The following CCDC90B variants were observed in gnomAD, a reference collection of about 807,000 sequenced individuals.
CCDC90B encodes the protein coiled-coil domain-containing protein 90B, mitochondrial.
Under a neutral mutation model 37.0 loss-of-function variants are expected in CCDC90B, and 24 were observed. The ratio of observed to expected loss-of-function variants is 0.65; its 90% CI spans 0.47 to 0.91. The LOEUF is 0.91. Ranked by LOEUF, CCDC90B falls within the 40% of genes least tolerant of loss-of-function variation. The pLI is 0.00. For missense variants in CCDC90B, 319 were observed against 299.0 expected, an observed-to-expected ratio of 1.07 and a Z score of -0.49; for synonymous variants, 113 against 101.1, an observed-to-expected ratio of 1.12 and a Z score of -0.71.
intron 7 of CCDC90B, among the ~76,000 whole-genome samples, chr11:83,266,644 A>G (rs1864293597): frequency 6.6e-6 from 1 of 152,156 alleles, no homozygotes; most frequent in Admixed American, 6.5e-5. Flanking sequence ...AACAATGCCT[A>G]CTGTCTCTAG....
intron 7 of CCDC90B, among the ~76,000 whole-genome samples, chr11:83,272,393 A>G (rs1864734469): frequency 6.6e-6 from 1 of 152,198 alleles, no homozygotes; most frequent in South Asian, 2.1e-4. Context: ...AATACATAAG[A>G]TGATAAACTA....
At position 83,260,414 on chromosome 11, in the gene CCDC90B, A is replaced by G. The variant is rs928321406; in HGVS notation, c.*1497T>C. 3.3e-5 allele frequency: 5 copies of G among 152,210 alleles called. No individual in the cohort carries two copies. The East Asian group carries it at 5.8e-4, about 18-fold the overall frequency. 9.4% of individuals were successfully genotyped at this position (152,210 alleles called of 1,614,324 possible). On this transcript the variant is annotated 3_prime_UTR_variant, in exon 9 of 9. Coordinates refer to ENST00000529689, the MANE Select transcript of CCDC90B (RefSeq NM_021825.5). ...TAATTGACTCAGTGAAAATTAATCTATAATATACTAAGAACTCTCTTAGGC... is the reference window on the plus strand; with the variant it reads ...TAATTGACTCAGTGAAAATTAATCTGTAATATACTAAGAACTCTCTTAGGC...
intron 7 of CCDC90B, among the ~76,000 whole-genome samples, chr11:83,269,457 C>T (rs676769): frequency 0.72 from 108,635 of 151,894 alleles, 39,653 homozygotes; most frequent in African/African-American, 0.85. Context: ...ATAGATGCAA[C>T]AAAAAATGAT....
rs190223651 is a variant in CCDC90B, at chr11:83,275,825, T to C, written c.325-1085A>G. ...TCATTTAACTTCTCTGGTCTCCTCATTGGTAAAATGGAAATAGTAACAGTA... is the reference window on the plus strand; with the variant it reads ...TCATTTAACTTCTCTGGTCTCCTCACTGGTAAAATGGAAATAGTAACAGTA... On this transcript the variant is annotated intron_variant, in intron 3 of 8. Transcript: ENST00000529689. Among the ~76,000 whole-genome samples, 200 of 152,350 alleles carry C rather than the reference T, an allele frequency of 1.3e-3. 1 individual carries two copies. The highest frequency in any genetic ancestry group is 2.4e-3 in the Non-Finnish European group (164 of 68,036).
At chr11:83,281,733 G>A (rs1865395542) in intron 1 of CCDC90B, among the ~76,000 whole-genome samples, 1 of 151,588 alleles carries the variant, frequency 6.6e-6, no homozygotes, top group Admixed American at 6.6e-5. Context: ...AGTAATGATG[G>A]TACTCTTAGT....
At chr11:83,281,238 C>G (rs1466079103) in intron 1 of CCDC90B, among the ~76,000 whole-genome samples, 1 of 152,166 alleles carries the variant, frequency 6.6e-6, no homozygotes, top group Non-Finnish European at 1.5e-5. Flanking sequence ...CAACTTCAGG[C>G]ATTATTTTTC....
chr11:83,259,333 C>T lies in CCDC90B; in HGVS notation c.*2578G>A, dbSNP rs1863833950. The T allele has an allele frequency of 6.6e-6, 1 of 152,102 alleles. No homozygotes were observed. The highest frequency in any genetic ancestry group is 6.5e-5 in the Admixed American group (1 of 15,274). The allele number at this position is 152,102 out of a possible 1,614,324, so 9.4% of individuals were successfully genotyped here. A position where few individuals can be genotyped will look rare whatever the true frequency, so the allele number is the denominator to read the frequency against. On this transcript the variant is annotated 3_prime_UTR_variant, in exon 9 of 9. Transcript: ENST00000529689. ...AAATTTACCTGAACCCCAGAACCAC[C>T]ATCAAAATGAAGTTTCATGGAAAGG...
At chr11:83,281,921 A>G (rs1450533865) in intron 1 of CCDC90B, among the ~76,000 whole-genome samples, 1 of 152,178 alleles carries the variant, frequency 6.6e-6, no homozygotes, top group Non-Finnish European at 1.5e-5. Context: ...TAAAAGGGTT[A>G]TGTCCCAATA....
chr11:83,274,356 G>T (rs1864891535), intron 4 of CCDC90B: 1 of 270,828 alleles, frequency 3.7e-6, no homozygotes, highest in Admixed American at 5.0e-5. Context: ...TCTCAGCTCT[G>T]AAACCATTAT....
Position 83,286,199 on chromosome 11 carries a change from G to T in CCDC90B, c.-227C>A. On this transcript the variant is annotated 5_prime_UTR_variant, in exon 1 of 9. The change creates a new upstream start codon in the 5' untranslated region. Coordinates refer to ENST00000529689, the MANE Select transcript of CCDC90B (RefSeq NM_021825.5). ...GCTCAGCGCTGCCCCGCTTCTCCCA[G>T]CGCCCCTTCCCGACCTTTGAACGCC... 6.5e-7 allele frequency: 1 copy of T among 1,533,022 alleles called. No individual in the cohort carries two copies. Among genetic ancestry groups the T allele is most frequent in the African/African-American group, 1.4e-5 (1 of 73,086 alleles). 95.0% of individuals were successfully genotyped at this position (1,533,022 alleles called of 1,614,324 possible).
At position 83,280,173 on chromosome 11, in the gene CCDC90B, G is replaced by T; in HGVS notation, c.188C>A (p.Thr63Asn). The change falls in exon 2 of 9, where the codon ACC (threonine) becomes AAC (asparagine). Residue 63 changes from threonine (T) to asparagine (N), a missense_variant. Coordinates refer to ENST00000529689, the MANE Select transcript of CCDC90B (RefSeq NM_021825.5). The stretch of plus-strand genomic sequence containing the variant: ...TTCCAAGTCCTGAACCAATGCATGG[G>T]TATCAAAAGTTAATTTCCTTTGTTC... ...PLEQRKLTFD[T>N]HALVQDLETH... 1 of 1,612,560 alleles carries T rather than the reference G, an allele frequency of 6.2e-7. No individual in the cohort carries two copies.
At chr11:83,282,305 C>T (rs902824993) in intron 1 of CCDC90B, among the ~76,000 whole-genome samples, 4 of 152,196 alleles carry the variant, frequency 2.6e-5, no homozygotes, top group African/African-American at 9.6e-5. Context: ...ATTCAAAGTA[C>T]AGTTTCTACT....
chr11:83,285,415 T>C, intron 1 of CCDC90B: 2 of 1,148,094 alleles, frequency 1.7e-6, no homozygotes, highest in African/African-American at 1.6e-5. Flanking sequence ...AGAATTCCAG[T>C]GAGAATAAGG....
At chr11:83,272,521 T>C (rs922158832) in intron 7 of CCDC90B, among the ~76,000 whole-genome samples, 6 of 152,102 alleles carry the variant, frequency 3.9e-5, no homozygotes, top group African/African-American at 1.2e-4. Flanking sequence ...AGGTGTATAA[T>C]ATGAACTGGC....
At chr11:83,269,024 T>C (rs571478110) in intron 7 of CCDC90B, among the ~76,000 whole-genome samples, 1 of 152,250 alleles carries the variant, frequency 6.6e-6, no homozygotes, top group East Asian at 1.9e-4. Context: ...ACTGGGTACA[T>C]AACGAAATGA....
Position 83,260,857 on chromosome 11 carries a change from T to G in CCDC90B, c.*1054A>C, listed in dbSNP as rs938376597. 1.3e-5 allele frequency: 2 copies of G among 152,198 alleles called. No individual in the cohort carries two copies. The highest frequency in any genetic ancestry group is 2.9e-5 in the Non-Finnish European group (2 of 68,024). 9.4% of individuals were successfully genotyped at this position (152,198 alleles called of 1,614,324 possible). On this transcript the variant is annotated 3_prime_UTR_variant, in exon 9 of 9. Coordinates refer to ENST00000529689, the MANE Select transcript of CCDC90B (RefSeq NM_021825.5). ...AACAAAATACGAATTTAAATTTTCCTATGAGTTTCTTGAGAGTAGGTACTA... is the reference window on the plus strand; with the variant it reads ...AACAAAATACGAATTTAAATTTTCCGATGAGTTTCTTGAGAGTAGGTACTA...
chr11:83,262,168 C>T (rs917357995), intron 8 of CCDC90B, among the ~76,000 whole-genome samples: 3 of 152,060 alleles, frequency 2.0e-5, no homozygotes, highest in Non-Finnish European at 2.9e-5. Context: ...CTTAAAAGCA[C>T]CTGTATATTA....
chr11:83,261,948 A>G lies in CCDC90B; in HGVS notation c.728T>C (p.Leu243Pro), dbSNP rs1270469785. The G allele has an allele frequency of 6.2e-7, 1 of 1,601,242 alleles. No individual in the cohort carries two copies. The highest frequency in any genetic ancestry group is 1.7e-5 in the Admixed American group (1 of 58,488). ...RYLAASVFTC[L>P]AIALGFYRFW... Reference sequence around the variant, plus strand: ...TCTATAAAATCCCAATGCTATTGCCAGGCAAGTAAACACCGAAGCTGTGAA... The same window carrying G: ...TCTATAAAATCCCAATGCTATTGCCGGGCAAGTAAACACCGAAGCTGTGAA... The change falls in exon 9 of 9, where the codon CTG becomes CCG. Residue 243 changes from leucine to proline, a missense_variant. Coordinates refer to ENST00000529689, the MANE Select transcript of CCDC90B (RefSeq NM_021825.5).
chr11:83,274,563 A>C lies in CCDC90B; in HGVS notation c.426+76T>G, dbSNP rs1486235148. 9 of 805,268 alleles carry C rather than the reference A, an allele frequency of 1.1e-5. No individual in the cohort carries two copies. The African/African-American group carries it at 1.6e-4, about 14-fold the overall frequency. 49.9% of individuals were successfully genotyped at this position (805,268 alleles called of 1,614,324 possible). On this transcript the variant is annotated intron_variant, in intron 4 of 8. Transcript: ENST00000529689. ...CCACATGGAATTATTACTTGGTCTTATTAACTTATTCCTTAAGTAGGATGC... is the reference window on the plus strand; with the variant it reads ...CCACATGGAATTATTACTTGGTCTTCTTAACTTATTCCTTAAGTAGGATGC...
Sources: gnomAD v4.1 joint callset for allele counts (sites outside exome capture counted in the v4.1 genomes callset) on GRCh38, gnomAD v4.1.1 for gene constraint, MANE v1.5 for transcripts, NCBI Gene and HGNC (gene_info 2026-07-23, HGNC 2026-07-21) for gene names.